The following FER variants were observed in gnomAD, a reference collection of about 807,000 sequenced individuals.
FER encodes FER tyrosine kinase.
In FER, 63 loss-of-function variants were observed where a neutral mutation model predicts 111.0. That is an observed-to-expected ratio of 0.57 (90% CI 0.46 to 0.70). FER has a LOEUF of 0.70. Ranked by LOEUF, FER falls within the 30% of genes least tolerant of loss-of-function variation. The pLI, the probability that FER is intolerant of heterozygous loss-of-function variation, is 0.00. For synonymous variants in FER, 327 were observed against 313.9 expected, an observed-to-expected ratio of 1.04 and a Z score of -0.44; for missense variants, 914 against 954.0, an observed-to-expected ratio of 0.96 and a Z score of 0.55.
intron 5 of FER, among the ~76,000 whole-genome samples, chr5:108,838,539 A>C (rs774533814): frequency 6.6e-6 from 1 of 152,146 alleles, no homozygotes; most frequent in Admixed American, 6.5e-5. Flanking sequence ...CTGGGAGTTC[A>C]GCAGTAGTAG....
Position 108,820,596 on chromosome 5 carries a change from A to C in FER, c.208-12174A>C, listed in dbSNP as rs142966961. 108 of 943,596 alleles carry C rather than the reference A, an allele frequency of 1.1e-4. 1 individual carries two copies. The East Asian group carries it at 7.0e-3, about 61-fold the overall frequency. 58.5% of individuals were successfully genotyped at this position (943,596 alleles called of 1,614,324 possible). ...TACTTAGATTTACCTTTTTAATACC[A>C]GTAGTAATATCCCGGTAGTCATGTG... is the stretch of plus-strand genomic sequence containing the variant. On this transcript the variant is annotated intron_variant, in intron 3 of 19. Coordinates refer to ENST00000281092, the MANE Select transcript of FER (RefSeq NM_005246.4).
chr5:108,813,136 TA>T (rs1757937256), intron 3 of FER, among the ~76,000 whole-genome samples: 1 of 152,106 alleles, frequency 6.6e-6, no homozygotes, highest in Admixed American at 6.5e-5. Context: ...TTTGAAAGCG[TA>T]AAAATATCTT....
At chr5:108,993,921 T>G (rs1439630595) in intron 13 of FER, among the ~76,000 whole-genome samples, 1 of 152,346 alleles carries the variant, frequency 6.6e-6, no homozygotes, top group South Asian at 2.1e-4. Flanking sequence ...CCCTTAAATG[T>G]CTTCTTTTCA....
At chr5:108,877,266 G>A (rs143186438) in intron 8 of FER, among the ~76,000 whole-genome samples, 3 of 152,122 alleles carry the variant, frequency 2.0e-5, no homozygotes, top group Non-Finnish European at 4.4e-5. Context: ...ATTTGCTCAG[G>A]CTGTGTTAGG....
At chr5:108,886,470 C>T (rs755570674) in intron 9 of FER, among the ~76,000 whole-genome samples, 22 of 148,862 alleles carry the variant, frequency 1.5e-4, no homozygotes, top group Middle Eastern at 3.6e-3. Flanking sequence ...CATAAATGTA[C>T]ATATATATAT....
intron 10 of FER, among the ~76,000 whole-genome samples, chr5:108,934,348 T>C (rs12517013): frequency 0.15 from 23,123 of 152,174 alleles, 2,350 homozygotes; most frequent in Non-Finnish European, 0.21. Context: ...ACACAGAAGG[T>C]TCCTTCTACC....
At chr5:109,053,455 G>C (rs1181073956) in intron 16 of FER, among the ~76,000 whole-genome samples, 1 of 150,516 alleles carries the variant, frequency 6.6e-6, no homozygotes, top group African/African-American at 2.4e-5. Flanking sequence ...GAACAAATCT[G>C]TAGCACCTAA....
intron 2 of FER, among the ~76,000 whole-genome samples, chr5:108,789,038 AATCT>A (rs141216776): frequency 0.025 from 3,852 of 152,264 alleles, 153 homozygotes; most frequent in African/African-American, 0.089. Context: ...CCCAAATCAA[AATCT>A]ATCTTTGTGT....
intron 17 of FER, among the ~76,000 whole-genome samples, chr5:109,114,612 C>T (rs1277649301): frequency 6.6e-6 from 1 of 152,040 alleles, no homozygotes; most frequent in East Asian, 1.9e-4. Context: ...ATCACAACTA[C>T]TCAACTCTCC....
intron 13 of FER, among the ~76,000 whole-genome samples, chr5:109,034,572 T>G (rs1276126787): frequency 6.6e-6 from 1 of 152,114 alleles, no homozygotes; most frequent in Non-Finnish European, 1.5e-5. Context: ...ATCCTTGACA[T>G]GGCTTCTTTT....
chr5:109,018,496 G>A (rs1161492788), intron 13 of FER, among the ~76,000 whole-genome samples: 1 of 151,722 alleles, frequency 6.6e-6, no homozygotes, highest in Non-Finnish European at 1.5e-5. Flanking sequence ...TTTCTGTGTG[G>A]TTTGGTGGTG....
chr5:108,941,099 C>CTT (rs1299500925), intron 10 of FER, among the ~76,000 whole-genome samples: 7 of 152,098 alleles, frequency 4.6e-5, no homozygotes, highest in African/African-American at 1.7e-4. Flanking sequence ...TTTCCTAAAG[C>CTT]TGGTGGATCA....
intron 9 of FER, among the ~76,000 whole-genome samples, chr5:108,890,853 A>T (rs538402457): frequency 6.6e-6 from 1 of 152,234 alleles, no homozygotes; most frequent in Non-Finnish European, 1.5e-5. Flanking sequence ...AAGGTCTCCA[A>T]ACATTTATGT....
intron 16 of FER, among the ~76,000 whole-genome samples, chr5:109,096,863 C>G (rs1424844272): frequency 6.6e-6 from 1 of 151,308 alleles, no homozygotes; most frequent in African/African-American, 2.4e-5. Context: ...CAGCAAACAC[C>G]AAGTCCCTAC....
intron 16 of FER, among the ~76,000 whole-genome samples, chr5:109,092,687 C>G (rs1264835173): frequency 6.6e-6 from 1 of 152,068 alleles, no homozygotes; most frequent in Non-Finnish European, 1.5e-5. Context: ...ACTGTGATGG[C>G]AAACAGTATG....
At chr5:109,185,222 C>G (rs7712731) in intron 18 of FER, among the ~76,000 whole-genome samples, 1,551 of 152,188 alleles carry the variant, frequency 0.01, 28 homozygotes, top group African/African-American at 0.035. Flanking sequence ...TAGAGCTTAG[C>G]TCATGTAGCT....
At position 108,914,225 on chromosome 5, in the gene FER, G is replaced by GTC. The variant is rs200823666; in HGVS notation, c.1236+16383_1236+16384dup. ...ACCAAAATGAAAGCATGCTTAACTT[G>GTC]TCTCTCTGTGTGTGTGTGTGTGTGT... On this transcript the variant is annotated intron_variant, in intron 10 of 19. Coordinates refer to ENST00000281092, the MANE Select transcript of FER (RefSeq NM_005246.4). Among the ~76,000 whole-genome samples the GTC allele has an allele frequency of 1.7e-3, 234 of 135,386 alleles. 2 individuals carry two copies. The highest frequency in any genetic ancestry group is 5.8e-3 in the African/African-American group (194 of 33,288). 88.8% of individuals were successfully genotyped at this position (135,386 alleles called of 152,430 possible). A position where few individuals can be genotyped will look rare whatever the true frequency, so the allele number is the denominator to read the frequency against.
intron 10 of FER, among the ~76,000 whole-genome samples, chr5:108,938,047 C>G (rs1055635225): frequency 4.7e-5 from 7 of 149,970 alleles, no homozygotes; most frequent in African/African-American, 1.7e-4. Context: ...CACACACACA[C>G]ACACACACAC....
At chr5:108,903,030 C>G (rs943075355) in intron 10 of FER, among the ~76,000 whole-genome samples, 1 of 151,674 alleles carries the variant, frequency 6.6e-6, no homozygotes, top group Non-Finnish European at 1.5e-5. Flanking sequence ...CTTCGTTTTC[C>G]CTTCAGAATA....
Sources: gnomAD v4.1 joint callset for allele counts (sites outside exome capture counted in the v4.1 genomes callset) on GRCh38, gnomAD v4.1.1 for gene constraint, MANE v1.5 for transcripts, NCBI Gene and HGNC (gene_info 2026-07-23, HGNC 2026-07-21) for gene names.